Variants in DTNA observed in about 807,000 individuals in gnomAD.
The protein encoded by DTNA is dystrophin-related protein 3.
DTNA carries 43 observed loss-of-function variants against 100.7 expected under a neutral mutation model. That is an observed-to-expected ratio of 0.43 (90% CI 0.33 to 0.55). DTNA has a LOEUF of 0.55. Among genes scored for constraint, DTNA ranks in the 20% least tolerant of loss-of-function variants. DTNA has a pLI of 0.04. For synonymous variants in DTNA, 349 were observed against 347.9 expected, an observed-to-expected ratio of 1.00 and a Z score of -0.04; for missense variants, 798 against 953.9, an observed-to-expected ratio of 0.84 and a Z score of 2.15.
At chr18:34,629,909 T>C (rs2057850878) in intron 1 of DTNA, among the ~76,000 whole-genome samples, 1 of 152,196 alleles carries the variant, frequency 6.6e-6, no homozygotes, top group South Asian at 2.1e-4. Flanking sequence ...GGGCCTCTGA[T>C]TCCATGCTTC....
intron 3 of DTNA, among the ~76,000 whole-genome samples, chr18:34,772,121 C>T (rs1353226499): frequency 6.6e-6 from 1 of 152,172 alleles, no homozygotes; most frequent in African/African-American, 2.4e-5. Context: ...ACACCCACAG[C>T]TAACATTGCA....
At chr18:34,508,687 A>G (rs2040736378) in intron 1 of DTNA, among the ~76,000 whole-genome samples, 1 of 152,144 alleles carries the variant, frequency 6.6e-6, no homozygotes, top group Non-Finnish European at 1.5e-5. Context: ...ATTTTATATA[A>G]TTTTACACTT....
At chr18:34,526,026 G>A (rs1457232663) in intron 1 of DTNA, among the ~76,000 whole-genome samples, 8 of 152,190 alleles carry the variant, frequency 5.3e-5, no homozygotes, top group Middle Eastern at 3.4e-3. Flanking sequence ...CCACTCTTTC[G>A]GAACACGAAG....
At position 34,529,122 on chromosome 18, in the gene DTNA, A is replaced by G. The variant is rs565161226; in HGVS notation, c.-2+35608A>G. ...AACATGAGGAAAAGACGTAAAGGAT[A>G]TAAGAGACATTAAATCCAACTTGTT... is the stretch of plus-strand genomic sequence containing the variant. On this transcript the variant is annotated intron_variant, in intron 1 of 19. Coordinates refer to the DTNA transcript ENST00000283365. 1.4e-4 allele frequency among the ~76,000 whole-genome samples: 22 copies of G among 152,284 alleles called. No individual in the cohort carries two copies. The South Asian group carries it at 4.3e-3, about 30-fold the overall frequency.
chr18:34,762,625 T>C (rs113601246), intron 2 of DTNA, among the ~76,000 whole-genome samples: 4 of 152,336 alleles, frequency 2.6e-5, no homozygotes, highest in African/African-American at 9.6e-5. Context: ...AGTAAGAGGC[T>C]ATGTATCATA....
intron 1 of DTNA, among the ~76,000 whole-genome samples, chr18:34,588,176 A>T (rs1294264323): frequency 1.3e-5 from 2 of 152,246 alleles, no homozygotes; most frequent in African/African-American, 4.8e-5. Flanking sequence ...TCATGACTAT[A>T]TCATGAAGTG....
At chr18:34,836,366 T>C (rs2096143835) in intron 11 of DTNA, among the ~76,000 whole-genome samples, 1 of 152,104 alleles carries the variant, frequency 6.6e-6, no homozygotes, top group Non-Finnish European at 1.5e-5. Context: ...TTAAAGTCAA[T>C]TTTGGGCCGA....
At chr18:34,615,671 A>G (rs905656952) in intron 1 of DTNA, among the ~76,000 whole-genome samples, 1 of 152,196 alleles carries the variant, frequency 6.6e-6, no homozygotes, top group African/African-American at 2.4e-5. Context: ...TAATAAGCAT[A>G]GTAATAAGCA....
chr18:34,743,775 A>G (rs1001737704), intron 1 of DTNA, among the ~76,000 whole-genome samples: 3 of 152,154 alleles, frequency 2.0e-5, no homozygotes, highest in African/African-American at 4.8e-5. Flanking sequence ...GACATACTCT[A>G]TCATCTTTTC....
chr18:34,864,108 T>A (rs376735515), intron 17 of DTNA, 46 bp downstream of exon 17: 1 of 1,545,770 alleles, frequency 6.5e-7, no homozygotes, highest in Non-Finnish European at 8.8e-7. Flanking sequence ...TTCCATGTCA[T>A]CTGTGAAAAT....
intron 1 of DTNA, among the ~76,000 whole-genome samples, chr18:34,498,147 GGCTCAT>G (rs1027518956): frequency 2.0e-5 from 3 of 152,130 alleles, no homozygotes; most frequent in African/African-American, 7.2e-5. Flanking sequence ...TGGGCGCAGT[GGCTCAT>G]GCCTGTAATC....
chr18:34,787,733 C>A (rs2094557675), intron 3 of DTNA, among the ~76,000 whole-genome samples: 1 of 152,150 alleles, frequency 6.6e-6, no homozygotes, highest in African/African-American at 2.4e-5. Flanking sequence ...CTCCTTTACC[C>A]ATCTGCAACT....
At chr18:34,794,485 T>C (rs1416326667) in intron 4 of DTNA, among the ~76,000 whole-genome samples, 1 of 152,206 alleles carries the variant, frequency 6.6e-6, no homozygotes, top group Non-Finnish European at 1.5e-5. Flanking sequence ...AATTGTATTT[T>C]ATGTGCTGAC....
chr18:34,563,127 A>T (rs2046786981), intron 1 of DTNA, among the ~76,000 whole-genome samples: 1 of 152,206 alleles, frequency 6.6e-6, no homozygotes, highest in Non-Finnish European at 1.5e-5. Flanking sequence ...TTAGCTAGAA[A>T]GAGGGTTTTT....
chr18:34,528,707 T>G (rs1270280439), intron 1 of DTNA, among the ~76,000 whole-genome samples: 1 of 152,112 alleles, frequency 6.6e-6, no homozygotes, highest in African/African-American at 2.4e-5. Context: ...TCCTTCATTT[T>G]TTTTTACCCC....
intron 1 of DTNA, among the ~76,000 whole-genome samples, chr18:34,679,272 T>G (rs1471937860): frequency 6.6e-6 from 1 of 152,168 alleles, no homozygotes; most frequent in Non-Finnish European, 1.5e-5. Context: ...ACTTCTACCA[T>G]AAATGTCTGT....
At chr18:34,614,474 C>T (rs565894430) in intron 1 of DTNA, among the ~76,000 whole-genome samples, 14 of 152,214 alleles carry the variant, frequency 9.2e-5, no homozygotes, top group African/African-American at 3.1e-4. Context: ...AATCAAAAAG[C>T]TTCTGGAAAG....
chr18:34,544,486 C>G (rs768674525), intron 1 of DTNA, among the ~76,000 whole-genome samples: 5 of 151,930 alleles, frequency 3.3e-5, no homozygotes, highest in Non-Finnish European at 5.9e-5. Flanking sequence ...AAAAGGAGAA[C>G]TAGAAAGGAA....
chr18:34,812,286 A>G (rs569766002), intron 6 of DTNA, among the ~76,000 whole-genome samples, 173 bp downstream of exon 6: 27 of 152,330 alleles, frequency 1.8e-4, no homozygotes, highest in African/African-American at 6.3e-4. Flanking sequence ...AACCCAGCAC[A>G]TCTGGATCAC....
Sources: allele counts gnomAD v4.1 joint callset (sites outside exome capture counted in the v4.1 genomes callset), GRCh38; gene constraint gnomAD v4.1.1; transcripts MANE v1.5; gene names NCBI Gene and HGNC (gene_info 2026-07-23, HGNC 2026-07-21).